The following ABCC1 variants were observed in gnomAD, a reference collection of about 807,000 sequenced individuals.
ABCC1 encodes the protein ATP binding cassette subfamily C member 1 (ABCC1 blood group).
In ABCC1, 83 loss-of-function variants were observed where a neutral mutation model predicts 172.9. That is an observed-to-expected ratio of 0.48 (90% CI 0.40 to 0.58). The LOEUF (loss-of-function observed/expected upper bound fraction) is 0.58. Among genes scored for constraint, ABCC1 ranks in the 20% least tolerant of loss-of-function variants. ABCC1 has a pLI of 0.00. For missense variants in ABCC1, 1,817 were observed against 2,002.7 expected (o/e 0.91, Z 1.77); for synonymous variants, 937 against 825.2 (o/e 1.14, Z -2.32).
intron 18 of ABCC1, among the ~76,000 whole-genome samples, chr16:16,088,173 G>A (rs1255091343): frequency 6.6e-6 from 1 of 151,730 alleles, no homozygotes; most frequent in Non-Finnish European, 1.5e-5. Context: ...AGTAAATAAA[G>A]CTGGGCACGG....
chr16:16,033,045 C>T (rs2048610373), intron 5 of ABCC1, 64 bp from the exon 6 acceptor site: 11 of 1,527,914 alleles, frequency 7.2e-6, no homozygotes, highest in Non-Finnish European at 1.0e-5. Context: ...AAGCTCTGAC[C>T]TGGATGAAAA....
At chr16:16,122,204 G>A in intron 24 of ABCC1, 30 bp downstream of exon 24, 1 of 1,611,598 alleles carries the variant, frequency 6.2e-7, no homozygotes, top group Admixed American at 1.7e-5. Flanking sequence ...AGGAGCGGGT[G>A]GAGGAGGCCG....
At chr16:16,095,479 C>T (rs1026735734) in intron 19 of ABCC1, among the ~76,000 whole-genome samples, 7 of 152,190 alleles carry the variant, frequency 4.6e-5, no homozygotes, top group African/African-American at 1.7e-4. Flanking sequence ...CCAGCGATGT[C>T]GCTAAACATC....
intron 7 of ABCC1, among the ~76,000 whole-genome samples, chr16:16,039,072 G>T (rs939499180): frequency 2.0e-5 from 3 of 152,138 alleles, no homozygotes; most frequent in African/African-American, 7.2e-5. Context: ...ACACACTCTA[G>T]TTGGGTGCCA....
intron 1 of ABCC1, among the ~76,000 whole-genome samples, chr16:15,976,528 C>T (rs575299130): frequency 7.9e-5 from 12 of 152,298 alleles, no homozygotes; most frequent in Middle Eastern, 3.4e-3. Flanking sequence ...GCCGGTACCC[C>T]ATGCTCCATC....
In ABCC1 at chr16:16,003,866, GTGGA is replaced by G. The variant is rs144896582; in HGVS notation, c.49-3943_49-3940del. On this transcript the variant is annotated intron_variant, in intron 1 of 30. Coordinates refer to ENST00000399410, the MANE Select transcript of ABCC1 (RefSeq NM_004996.4). ...GATGGGTGAATTGGTGAATGGGTAG[GTGGA>G]TGGATGAATGAATTGGTGGGTGGGT... is the stretch of plus-strand genomic sequence containing the variant. 6.5e-3 allele frequency among the ~76,000 whole-genome samples: 939 copies of G among 144,424 alleles called. 41 individuals carry two copies. The highest frequency in any genetic ancestry group is 0.024 in the African/African-American group (901 of 37,250). 94.7% of individuals were successfully genotyped at this position (144,424 alleles called of 152,430 possible).
At chr16:16,009,515 A>G (rs1597110303) in intron 2 of ABCC1, among the ~76,000 whole-genome samples, 2 of 152,116 alleles carry the variant, frequency 1.3e-5, no homozygotes, top group Non-Finnish European at 1.5e-5. Flanking sequence ...ACCGGGGAGC[A>G]TGGTGACCAG....
At chr16:15,974,435 T>TG (rs2046439243) in intron 1 of ABCC1, among the ~76,000 whole-genome samples, 2 of 151,362 alleles carry the variant, frequency 1.3e-5, no homozygotes, top group Non-Finnish European at 2.9e-5. Flanking sequence ...GAGTGGGGAG[T>TG]GGGGGGTGTG....
chr16:15,963,588 A>G (rs12930197), intron 1 of ABCC1, among the ~76,000 whole-genome samples: 23,759 of 152,180 alleles, frequency 0.16, 2,047 homozygotes, highest in Non-Finnish European at 0.19. Flanking sequence ...CTTTAGTTCT[A>G]TGTACCCACA....
At chr16:15,961,108 T>C (rs560631465) in intron 1 of ABCC1, among the ~76,000 whole-genome samples, 56 of 151,350 alleles carry the variant, frequency 3.7e-4, no homozygotes, top group African/African-American at 1.3e-3. Context: ...GGCCCTTCCA[T>C]GTGCTGGGAT....
At chr16:15,979,367 C>T (rs753970159) in intron 1 of ABCC1, among the ~76,000 whole-genome samples, 5 of 152,046 alleles carry the variant, frequency 3.3e-5, no homozygotes, top group African/African-American at 4.8e-5. Context: ...GAGATACGCT[C>T]TTCCTGAGAT....
Position 16,008,006 on chromosome 16 carries a change from G to T in ABCC1, c.225+14G>T. On this transcript the variant is annotated intron_variant, in intron 2 of 30. Coordinates refer to ENST00000399410, the MANE Select transcript of ABCC1 (RefSeq NM_004996.4). The stretch of plus-strand genomic sequence containing the variant: ...AAAACCAAAACTGTAAGTCACTGGG[G>T]GGTTTCGTTGTGGGGGGTGGGAAGG... 2 of 644,502 alleles carry T rather than the reference G, an allele frequency of 3.1e-6. No homozygotes were observed. The highest frequency in any genetic ancestry group is 1.6e-5 in the South Asian group (1 of 63,774). The allele number at this position is 644,502 out of a possible 1,614,324, so 39.9% of individuals were successfully genotyped here.
At chr16:15,962,735 C>T (rs1260746380) in intron 1 of ABCC1, among the ~76,000 whole-genome samples, 1 of 152,200 alleles carries the variant, frequency 6.6e-6, no homozygotes, top group Non-Finnish European at 1.5e-5. Context: ...GGGAACCGCT[C>T]CCATGATCTA....
At chr16:16,088,488 T>G (rs1402365381) in intron 18 of ABCC1, among the ~76,000 whole-genome samples, 1 of 152,142 alleles carries the variant, frequency 6.6e-6, no homozygotes, top group Non-Finnish European at 1.5e-5. Flanking sequence ...TCCCTCTTCA[T>G]CCTGCATCCC....
chr16:16,035,247 CA>C (rs1188794555), intron 6 of ABCC1, among the ~76,000 whole-genome samples: 2 of 151,952 alleles, frequency 1.3e-5, no homozygotes, highest in African/African-American at 4.8e-5. Flanking sequence ...ACTAACAATA[CA>C]AAAATTAGCC....
chr16:15,982,839 A>G (rs891661930), intron 1 of ABCC1, among the ~76,000 whole-genome samples: 15 of 140,436 alleles, frequency 1.1e-4, no homozygotes, highest in Non-Finnish European at 1.9e-4. Flanking sequence ...ATCCATTCTT[A>G]GCCTGTGTGC....
chr16:16,014,778 A>AC, intron 4 of ABCC1, 150 bp downstream of exon 4: 1 of 884,606 alleles, frequency 1.1e-6, no homozygotes, highest in Non-Finnish European at 1.7e-6. Context: ...TGACTTTCCT[A>AC]CCCCACCAAA....
chr16:16,036,107 C>G (rs2048745285), intron 6 of ABCC1, among the ~76,000 whole-genome samples: 1 of 151,774 alleles, frequency 6.6e-6, no homozygotes, highest in South Asian at 2.1e-4. Context: ...CTGGGTGACA[C>G]AGCGAGACCC....
intron 1 of ABCC1, among the ~76,000 whole-genome samples, chr16:16,007,243 T>A (rs113017189): frequency 0.025 from 3,742 of 151,282 alleles, 147 homozygotes; most frequent in African/African-American, 0.085. Flanking sequence ...TGTGTGTGTG[T>A]GAGAGACAGG....
Sources: gnomAD v4.1 joint callset for allele counts (sites outside exome capture counted in the v4.1 genomes callset) on GRCh38, gnomAD v4.1.1 for gene constraint, MANE v1.5 for transcripts, NCBI Gene and HGNC (gene_info 2026-07-23, HGNC 2026-07-21) for gene names.